TRPM3: variants seen among roughly 807,000 people sequenced by gnomAD.
TRPM3 encodes transient receptor potential cation channel subfamily M member 3, also known as long transient receptor potential channel 3.
Under a neutral mutation model 181.2 loss-of-function variants are expected in TRPM3, and 77 were observed. The observed-to-expected ratio is 0.42, with a 90% confidence interval of 0.35 to 0.51. The LOEUF is 0.51. Among genes scored for constraint, TRPM3 ranks in the 20% least tolerant of loss-of-function variants. The pLI is 0.01. For missense variants in TRPM3, 1,759 were observed against 2,196.7 expected (o/e 0.80, Z 3.98); for synonymous variants, 745 against 796.4 (o/e 0.94, Z 1.09).
Position 70,846,579 on chromosome 9 carries a change from A to T in TRPM3, c.475T>A (p.Ser159Thr). ...HSNKAMYVRV[S>T]FDTKPDLLLH... ...AGGAGATCAGGTTTTGTATCAAAAG[A>T]TACTCGCACATACTGGAAGAAGAAA... The change falls in exon 4 of 26, where the codon TCT becomes ACT. Residue 159 changes from serine (S) to threonine (T), a missense_variant. Ser to Thr is a moderately conservative substitution (Grantham distance 58, BLOSUM62 1). This residue lies in a region of TRPM3 where 737 missense variants were observed against 957.4 expected (regional missense o/e 0.77). Coordinates refer to ENST00000677713, the MANE Select transcript of TRPM3 (RefSeq NM_001366145.2). 2 of 1,614,034 alleles carry T rather than the reference A, an allele frequency of 1.2e-6. No individual in the cohort carries two copies. The highest frequency in any genetic ancestry group is 1.1e-5 in the South Asian group (1 of 91,080).
chr9:71,298,577 C>T (rs1413724355), intron 1 of TRPM3, among the ~76,000 whole-genome samples: 5 of 151,810 alleles, frequency 3.3e-5, no homozygotes, highest in Admixed American at 2.6e-4. Flanking sequence ...ATTAATTATA[C>T]CATCATCTAC....
intron 1 of TRPM3, among the ~76,000 whole-genome samples, chr9:71,258,756 T>A (rs1365025425): frequency 6.6e-6 from 1 of 152,186 alleles, no homozygotes; most frequent in Non-Finnish European, 1.5e-5. Flanking sequence ...AGATAAGAAA[T>A]CTGAGACCCA....
intron 1 of TRPM3, among the ~76,000 whole-genome samples, chr9:71,432,404 T>A (rs1434506813): frequency 6.6e-6 from 1 of 150,878 alleles, no homozygotes; most frequent in African/African-American, 2.4e-5. Flanking sequence ...TTGGGATGTT[T>A]GGTCTTAATA....
chr9:70,574,640 C>T (rs1440917337), intron 22 of TRPM3, among the ~76,000 whole-genome samples: 2 of 152,192 alleles, frequency 1.3e-5, no homozygotes, highest in African/African-American at 4.8e-5. Context: ...GAGGCAGGAG[C>T]TTCATCAGTT....
In TRPM3 at chr9:70,644,269, A is replaced by G. The variant is rs11142526; in HGVS notation, c.1346-3609T>C. 7.7e-4 allele frequency among the ~76,000 whole-genome samples: 117 copies of G among 152,166 alleles called. 1 individual carries two copies. In the East Asian group the frequency reaches 0.02, roughly 26 times the overall value. ...AGAAGTGCTGTGAAGGAGCAGTGCC[A>G]CTCCTAGGGTATGTGGGACCTATGC... is the stretch of plus-strand genomic sequence containing the variant. On this transcript the variant is annotated intron_variant, in intron 9 of 25. Transcript: ENST00000677713.
chr9:71,355,824 A>C (rs1272071892), intron 1 of TRPM3, among the ~76,000 whole-genome samples: 1 of 134,354 alleles, frequency 7.4e-6, no homozygotes, highest in African/African-American at 2.7e-5. Context: ...CACCACAGTA[A>C]AACACAAAAT....
At chr9:71,323,886 C>G (rs1013892596) in intron 1 of TRPM3, among the ~76,000 whole-genome samples, 4 of 152,112 alleles carry the variant, frequency 2.6e-5, no homozygotes, top group Admixed American at 1.3e-4. Flanking sequence ...ATTTGCTGAT[C>G]TTAGATGACA....
intron 1 of TRPM3, among the ~76,000 whole-genome samples, chr9:71,397,201 G>A (rs2093222054): frequency 1.3e-5 from 2 of 152,076 alleles, no homozygotes; most frequent in African/African-American, 2.4e-5. Context: ...GATCATTTTT[G>A]CAGCTACTAT....
intron 1 of TRPM3, among the ~76,000 whole-genome samples, chr9:70,915,527 G>C (rs935815747): frequency 2.0e-5 from 3 of 150,716 alleles, no homozygotes; most frequent in Non-Finnish European, 4.4e-5. Context: ...GGATGGTCTT[G>C]ATCTCCTGAC....
chr9:70,569,541 G>C (rs1427759709), intron 22 of TRPM3, among the ~76,000 whole-genome samples: 1 of 152,174 alleles, frequency 6.6e-6, no homozygotes, highest in East Asian at 1.9e-4. Context: ...ACTGGTCCCA[G>C]ATTATAATAG....
intron 1 of TRPM3, among the ~76,000 whole-genome samples, chr9:71,159,343 TAACA>T (rs2134689181): frequency 6.6e-6 from 1 of 152,154 alleles, no homozygotes; most frequent in East Asian, 1.9e-4. Context: ...ACTCAGGCAC[TAACA>T]AACATATGCT....
At chr9:70,915,506 C>T (rs1206810389) in intron 1 of TRPM3, among the ~76,000 whole-genome samples, 4 of 150,890 alleles carry the variant, frequency 2.7e-5, no homozygotes, top group South Asian at 2.1e-4. Flanking sequence ...GGGGTTTCAC[C>T]GTGTTAGCCA....
chr9:70,966,819 T>C (rs1185379299), intron 1 of TRPM3, among the ~76,000 whole-genome samples: 3 of 152,138 alleles, frequency 2.0e-5, no homozygotes, highest in Non-Finnish European at 2.9e-5. Flanking sequence ...AAATAATCTG[T>C]ACAACAAATC....
intron 1 of TRPM3, among the ~76,000 whole-genome samples, chr9:71,080,744 T>A (rs750368963): frequency 6.6e-6 from 1 of 152,110 alleles, no homozygotes; most frequent in Admixed American, 6.6e-5. Context: ...CAACATTAAA[T>A]AGCAAATAAA....
rs1171544609 is a variant in TRPM3, at chr9:70,686,607, TCCCG to T, written c.1273-5033_1273-5030del. The stretch of plus-strand genomic sequence containing the variant: ...CTCCCTCCCTCCCTCCCTCCCTCCC[TCCCG>T]CCCTTCCTGGAAACTCCTTCCTCCC... On this transcript the variant is annotated intron_variant, in intron 8 of 25. Transcript: ENST00000677713. 7.9e-4 allele frequency among the ~76,000 whole-genome samples: 63 copies of T among 80,208 alleles called. 2 individuals carry two copies. The highest frequency in any genetic ancestry group is 2.6e-3 in the African/African-American group (52 of 19,648). 52.6% of individuals were successfully genotyped at this position (80,208 alleles called of 152,430 possible).
intron 21 of TRPM3, among the ~76,000 whole-genome samples, chr9:70,591,691 A>G (rs1451579175): frequency 1.3e-5 from 2 of 152,216 alleles, no homozygotes; most frequent in Admixed American, 1.3e-4. Flanking sequence ...TGAAAGGCTA[A>G]TGAAAAATTG....
chr9:70,766,653 C>A (rs2079189030), intron 7 of TRPM3, among the ~76,000 whole-genome samples: 1 of 152,186 alleles, frequency 6.6e-6, no homozygotes, highest in African/African-American at 2.4e-5. Flanking sequence ...CATAAAGTTG[C>A]ATGTCTTGCC....
intron 1 of TRPM3, among the ~76,000 whole-genome samples, chr9:71,051,581 A>G (rs190178917): frequency 6.6e-6 from 1 of 152,256 alleles, no homozygotes; most frequent in East Asian, 1.9e-4. Flanking sequence ...ATATGGACAG[A>G]AAGTGAAAAT....
At chr9:71,198,821 G>C (rs1196474454) in intron 1 of TRPM3, among the ~76,000 whole-genome samples, 1 of 135,494 alleles carries the variant, frequency 7.4e-6, no homozygotes, top group Non-Finnish European at 1.6e-5. Context: ...TCTGCAAACA[G>C]GGACAATTTG....
Sources: gnomAD v4.1 joint callset for allele counts (sites outside exome capture counted in the v4.1 genomes callset) on GRCh38, gnomAD v4.1.1 for gene constraint, gnomAD v4.1.1 regional missense constraint, MANE v1.5 for transcripts, NCBI Gene and HGNC (gene_info 2026-07-23, HGNC 2026-07-21) for gene names.